Variants in PFKFB3 observed in about 807,000 individuals in gnomAD.
PFKFB3 encodes the protein 6-phosphofructo-2-kinase/fructose-2,6-biphosphatase 3.
In PFKFB3, 33 loss-of-function variants were observed where a neutral mutation model predicts 68.0. The observed-to-expected ratio is 0.49, with a 90% CI of 0.37 to 0.65. The LOEUF (loss-of-function observed/expected upper bound fraction) is 0.65. PFKFB3 is among the 30% of genes least tolerant of loss of function. The pLI is 0.00. For missense variants in PFKFB3, 586 were observed against 712.2 expected, an observed-to-expected ratio of 0.82 and a Z score of 2.02; for synonymous variants, 315 against 288.2, an observed-to-expected ratio of 1.09 and a Z score of -0.94.
the PFKFB3 span, among the ~76,000 whole-genome samples, chr10:6,281,638 G>A: frequency 6.6e-6 from 1 of 152,260 alleles, no homozygotes; most frequent in African/African-American, 2.4e-5. Context: ...TCACTGAAAA[G>A]CTGTTGAATC....
At chr10:6,145,797 C>T (rs1319120513) in intron 1 of PFKFB3, among the ~76,000 whole-genome samples, 2 of 152,134 alleles carry the variant, frequency 1.3e-5, no homozygotes, top group Admixed American at 1.3e-4. Context: ...GGCTGCCCTC[C>T]GCCTTTTCCG....
At chr10:6,193,319 C>T (rs908307511) in intron 1 of PFKFB3, among the ~76,000 whole-genome samples, 3 of 152,208 alleles carry the variant, frequency 2.0e-5, no homozygotes, top group Admixed American at 1.3e-4. Context: ...TGCACCACTG[C>T]ACTGCAGTCT....
At chr10:6,196,886 C>A (rs1268367083) in intron 1 of PFKFB3, among the ~76,000 whole-genome samples, 3 of 152,064 alleles carry the variant, frequency 2.0e-5, no homozygotes, top group Non-Finnish European at 4.4e-5. Flanking sequence ...AAGCAATCCT[C>A]CCCCCGTCAC....
At chr10:6,145,332 C>T (rs1841346966) in intron 1 of PFKFB3, among the ~76,000 whole-genome samples, 1 of 152,030 alleles carries the variant, frequency 6.6e-6, no homozygotes, top group Admixed American at 6.5e-5. Flanking sequence ...GTCTCCTCTG[C>T]AGCCCCGCAT....
chr10:6,266,985 T>G, the PFKFB3 span, among the ~76,000 whole-genome samples: 2 of 152,232 alleles, frequency 1.3e-5, no homozygotes, highest in Non-Finnish European at 2.9e-5. Context: ...AAAAGCAGAA[T>G]TTAGAGGTGC....
Position 6,228,336 on chromosome 10 carries a change from G to T in PFKFB3, c.1515+1971G>T, listed in dbSNP as rs902127038. On this transcript the variant is annotated intron_variant, in intron 14 of 14. Coordinates refer to ENST00000379775, the MANE Select transcript of PFKFB3 (RefSeq NM_004566.4). The surrounding 1 kb of genome is among the most constrained non-coding windows in gnomAD (Gnocchi z 4.5). The stretch of plus-strand genomic sequence containing the variant: ...GCAGTTTTGTGATGTGAGGTCTTCC[G>T]TGGGGGAAGGAGGAGATGGGCGTAG... 2 of 1,112,944 alleles carry T rather than the reference G, an allele frequency of 1.8e-6. No individual in the cohort carries two copies. The highest frequency in any genetic ancestry group is 2.7e-6 in the Non-Finnish European group (2 of 732,230). The allele number at this position is 1,112,944 out of a possible 1,614,324, so 68.9% of individuals were successfully genotyped here. A position where few individuals can be genotyped will look rare whatever the true frequency, so the allele number is the denominator to read the frequency against.
At chr10:6,265,242 G>A in the PFKFB3 span, among the ~76,000 whole-genome samples, 2 of 151,788 alleles carry the variant, frequency 1.3e-5, no homozygotes, top group East Asian at 1.9e-4. Context: ...CACCATGCTC[G>A]GCTAATTTTT....
intron 1 of PFKFB3, among the ~76,000 whole-genome samples, chr10:6,169,151 A>C (rs1458374348): frequency 6.6e-6 from 1 of 152,166 alleles, no homozygotes; most frequent in Admixed American, 6.5e-5. Context: ...CATGTTGGCC[A>C]GGATGGTCTC....
At chr10:6,146,383 G>A in intron 1 of PFKFB3, 1 of 1,535,476 alleles carries the variant, frequency 6.5e-7, no homozygotes. Flanking sequence ...AGAGAGATGG[G>A]GGAGGGTGGC....
chr10:6,159,605 T>C (rs893617279), intron 1 of PFKFB3, among the ~76,000 whole-genome samples: 2 of 149,904 alleles, frequency 1.3e-5, no homozygotes, highest in Admixed American at 6.7e-5. Flanking sequence ...GACAGGAGAA[T>C]CGCTTGAACC....
the PFKFB3 span, among the ~76,000 whole-genome samples, chr10:6,290,000 C>T: frequency 6.6e-6 from 1 of 152,146 alleles, no homozygotes; most frequent in African/African-American, 2.4e-5. Flanking sequence ...ATTTGGCTCT[C>T]TGTTTGTCTG....
chr10:6,315,561 G>A, the PFKFB3 span, among the ~76,000 whole-genome samples: 4 of 152,164 alleles, frequency 2.6e-5, no homozygotes, highest in African/African-American at 9.7e-5. Flanking sequence ...TAGGCTCACT[G>A]CAGCCTCCGC....
At chr10:6,196,535 C>T (rs1301875257) in intron 1 of PFKFB3, among the ~76,000 whole-genome samples, 1 of 152,088 alleles carries the variant, frequency 6.6e-6, no homozygotes, top group Non-Finnish European at 1.5e-5. Context: ...GTCAAAGGTC[C>T]AAGAGTCCCA....
intron 1 of PFKFB3, among the ~76,000 whole-genome samples, chr10:6,167,105 C>T (rs1169281619): frequency 1.3e-5 from 2 of 152,204 alleles, no homozygotes; most frequent in Non-Finnish European, 2.9e-5. Flanking sequence ...CAGGCGTGAG[C>T]CACCTTGCCT....
At chr10:6,262,541 T>G in the PFKFB3 span, among the ~76,000 whole-genome samples, 1 of 152,104 alleles carries the variant, frequency 6.6e-6, no homozygotes, top group African/African-American at 2.4e-5. Context: ...TGGTTAGTGC[T>G]TTTTGTGTCT....
At chr10:6,155,774 C>T (rs957882051) in intron 1 of PFKFB3, among the ~76,000 whole-genome samples, 14 of 152,118 alleles carry the variant, frequency 9.2e-5, no homozygotes, top group South Asian at 2.1e-4. Context: ...AGCTAACCCT[C>T]GTGCCACAGG....
chr10:6,183,880 C>T (rs1243609117), intron 1 of PFKFB3, among the ~76,000 whole-genome samples: 6 of 150,836 alleles, frequency 4.0e-5, no homozygotes, highest in Non-Finnish European at 5.9e-5. Context: ...TTAGTAGAGA[C>T]GGGGTTTCAC....
At chr10:6,153,173 G>GA (rs199862970) in intron 1 of PFKFB3, among the ~76,000 whole-genome samples, 2 of 46,652 alleles carry the variant, frequency 4.3e-5, no homozygotes, top group Admixed American at 1.5e-4. Context: ...CTCTGTCTCA[G>GA]AAAAAAGAAA....
At chr10:6,285,574 G>A in the PFKFB3 span, among the ~76,000 whole-genome samples, 3 of 148,770 alleles carry the variant, frequency 2.0e-5, no homozygotes, top group Non-Finnish European at 3.0e-5. Context: ...AACACTTTAT[G>A]TGAGATCTAC....
Sources: allele counts gnomAD v4.1 joint callset (sites outside exome capture counted in the v4.1 genomes callset), GRCh38; gene constraint gnomAD v4.1.1; non-coding constraint Gnocchi (gnomAD v3.1); transcripts MANE v1.5; gene names NCBI Gene and HGNC (gene_info 2026-07-23, HGNC 2026-07-21).